Variants in SPAG16 observed in about 807,000 individuals in gnomAD.
SPAG16 encodes sperm-associated antigen 16 protein.
A neutral mutation model predicts 80.4 loss-of-function variants in SPAG16; 86 were observed. That is an observed-to-expected ratio of 1.07 (90% CI 0.90 to 1.28). The LOEUF (loss-of-function observed/expected upper bound fraction) is 1.28. Among genes scored for constraint, SPAG16 ranks in the 50% most tolerant of loss-of-function variants. The probability of loss-of-function intolerance (pLI) is 0.00; values close to 1 mark genes in which losing one functional copy is unlikely to be tolerated. For missense variants in SPAG16, 870 were observed against 765.3 expected (o/e 1.14, Z -1.61); for synonymous variants, 294 against 265.9 (o/e 1.11, Z -1.03).
intron 10 of SPAG16, among the ~76,000 whole-genome samples, chr2:213,765,486 C>T (rs1403309677): frequency 6.6e-6 from 1 of 152,154 alleles, no homozygotes; most frequent in Non-Finnish European, 1.5e-5. Context: ...TATGGAATGC[C>T]TTCTATGTCC....
chr2:214,390,665 G>C (rs375761916), intron 15 of SPAG16, among the ~76,000 whole-genome samples: 1 of 152,136 alleles, frequency 6.6e-6, no homozygotes, highest in South Asian at 2.1e-4. Context: ...CCAATGGAGT[G>C]GGAGAGGCAG....
intron 9 of SPAG16, among the ~76,000 whole-genome samples, chr2:213,466,634 A>C (rs975138801): frequency 2.6e-5 from 4 of 152,166 alleles, no homozygotes; most frequent in African/African-American, 9.7e-5. Flanking sequence ...TAGATACTTC[A>C]CTGAAGTCTG....
At chr2:213,965,827 ACTT>A (rs2044683082) in intron 12 of SPAG16, among the ~76,000 whole-genome samples, 1 of 152,172 alleles carries the variant, frequency 6.6e-6, no homozygotes, top group Non-Finnish European at 1.5e-5. Context: ...TGTCTGCACT[ACTT>A]CTCCGAAGAA....
At chr2:213,557,080 A>G (rs1388785328) in intron 10 of SPAG16, among the ~76,000 whole-genome samples, 1 of 152,260 alleles carries the variant, frequency 6.6e-6, no homozygotes, top group South Asian at 2.1e-4. Flanking sequence ...AAAATTAAGC[A>G]TATGTTATTT....
chr2:214,385,941 G>T (rs571204469), intron 15 of SPAG16, among the ~76,000 whole-genome samples: 26 of 152,318 alleles, frequency 1.7e-4, no homozygotes, highest in African/African-American at 6.0e-4. Context: ...CAACAATAAA[G>T]TCATTGTATT....
chr2:214,244,446 C>T (rs1018150926), intron 15 of SPAG16, among the ~76,000 whole-genome samples: 7 of 150,434 alleles, frequency 4.7e-5, no homozygotes, highest in Non-Finnish European at 8.9e-5. Context: ...TTAAATTACT[C>T]TCCATGTTTA....
chr2:214,226,299 A>G (rs1442706767), intron 15 of SPAG16, among the ~76,000 whole-genome samples: 1 of 152,062 alleles, frequency 6.6e-6, no homozygotes, highest in Middle Eastern at 3.2e-3. Context: ...GGACAAAGTG[A>G]AAAATGCACA....
intron 10 of SPAG16, among the ~76,000 whole-genome samples, chr2:213,581,233 T>C (rs12464278): frequency 0.27 from 41,549 of 151,956 alleles, 6,472 homozygotes; most frequent in Middle Eastern, 0.42. Flanking sequence ...CTATTTCTTT[T>C]TTGAGACAGA....
chr2:213,416,844 A>G (rs2069286318), intron 9 of SPAG16, among the ~76,000 whole-genome samples: 1 of 152,198 alleles, frequency 6.6e-6, no homozygotes, highest in African/African-American at 2.4e-5. Flanking sequence ...GAAAAACACC[A>G]ATGTGGTCAG....
rs1220682052 is a variant in SPAG16 at position 213,692,026 on chromosome 2, T to A, written c.1071-170459T>A. 3.3e-5 allele frequency among the ~76,000 whole-genome samples: 5 copies of A among 152,208 alleles called. No homozygotes were observed. The East Asian group carries it at 5.8e-4, about 18-fold the overall frequency. ...ATAAATTAAGATGTCAACAAATATC[T>A]ATGGAACACAAGCTAAATTACAGAC... is the stretch of plus-strand genomic sequence containing the variant. On this transcript the variant is annotated intron_variant, in intron 10 of 15. Transcript: ENST00000331683.
rs191179824 is a variant in SPAG16 at position 213,418,321 on chromosome 2, A to G, written c.942+43202A>G. The stretch of plus-strand genomic sequence containing the variant: ...TACCCACAAACATACACACATTACT[A>G]TAACAAGAGCATCCTTCTCTGTTAC... On this transcript the variant is annotated intron_variant, in intron 9 of 15. Coordinates refer to ENST00000331683, the MANE Select transcript of SPAG16 (RefSeq NM_024532.5). Among the ~76,000 whole-genome samples, 5 of 152,338 alleles carry G rather than the reference A, an allele frequency of 3.3e-5. No individual in the cohort carries two copies. In the East Asian group the frequency reaches 7.7e-4, roughly 23 times the overall value.
At chr2:214,105,532 A>C (rs1015064836) in intron 13 of SPAG16, among the ~76,000 whole-genome samples, 1 of 152,344 alleles carries the variant, frequency 6.6e-6, no homozygotes, top group South Asian at 2.1e-4. Context: ...AGATCCAAAA[A>C]TTAAATGTGG....
At chr2:213,549,104 C>T (rs2076706400) in intron 10 of SPAG16, among the ~76,000 whole-genome samples, 1 of 151,946 alleles carries the variant, frequency 6.6e-6, no homozygotes. Context: ...GTCTATGGAA[C>T]TCAAAATGGA....
In SPAG16 at chr2:214,381,317, T is replaced by C. The variant is rs1207481773; in HGVS notation, c.1721-28823T>C. Among the ~76,000 whole-genome samples the C allele has an allele frequency of 2.0e-5, 3 of 152,212 alleles. No individual in the cohort carries two copies. The East Asian group carries it at 5.8e-4, about 29-fold the overall frequency. ...ATCCTTGATCAAATCAAGAGGTGCT[T>C]TTCTTTCATTAAAGTAACTCTAAGT... On this transcript the variant is annotated intron_variant, in intron 15 of 15. Transcript: ENST00000331683.
chr2:213,292,669 AAAAAAACAAAAAAAAC>A (rs1309247447), intron 1 of SPAG16, among the ~76,000 whole-genome samples: 2 of 128,370 alleles, frequency 1.6e-5, no homozygotes, highest in African/African-American at 5.6e-5. Flanking sequence ...GTCTCAAAAA[AAAAAAACAAAAAAAAC>A]AAAAAAAAAC....
At position 213,286,393 on chromosome 2, in the gene SPAG16, A is replaced by G. The variant is rs140797736; in HGVS notation, c.136+1774A>G. 3.7e-3 allele frequency among the ~76,000 whole-genome samples: 560 copies of G among 152,146 alleles called. 3 individuals are homozygous for G. The highest frequency in any genetic ancestry group is 0.012 in the African/African-American group (493 of 41,514). ...TGAGGGAAGAGGTTTAGTCATTTCA[A>G]CTCTCAGTTGAAATGAAGTTTGAGG... On this transcript the variant is annotated intron_variant, in intron 1 of 15. Coordinates refer to ENST00000331683, the MANE Select transcript of SPAG16 (RefSeq NM_024532.5).
At chr2:213,353,899 A>G (rs2065477710) in intron 7 of SPAG16, among the ~76,000 whole-genome samples, 1 of 152,016 alleles carries the variant, frequency 6.6e-6, no homozygotes, top group Admixed American at 6.6e-5. Context: ...GGAAAATTCT[A>G]TTTTTTTATA....
intron 10 of SPAG16, among the ~76,000 whole-genome samples, chr2:213,742,974 A>G (rs1968345): frequency 0.92 from 140,582 of 151,982 alleles, 66,016 homozygotes; most frequent in East Asian, 1. Context: ...TGAGATCTCC[A>G]CTCACTGCGA....
chr2:213,799,929 A>G (rs2071274867), intron 10 of SPAG16, among the ~76,000 whole-genome samples: 2 of 150,696 alleles, frequency 1.3e-5, no homozygotes, highest in African/African-American at 4.9e-5. Context: ...TGCAGTGTCT[A>G]CCCAAATGCC....
Sources: gnomAD v4.1 joint callset for allele counts (sites outside exome capture counted in the v4.1 genomes callset) on GRCh38, gnomAD v4.1.1 for gene constraint, MANE v1.5 for transcripts, NCBI Gene and HGNC (gene_info 2026-07-23, HGNC 2026-07-21) for gene names.